Variants in ENPP2 observed in about 807,000 individuals in gnomAD.
The protein encoded by ENPP2 is ectonucleotide pyrophosphatase/phosphodiesterase 2.
ENPP2 carries 51 observed loss-of-function variants against 120.2 expected under a neutral mutation model. The observed-to-expected ratio is 0.42, with a 90% CI of 0.34 to 0.54. The LOEUF is 0.54. Among genes scored for constraint, ENPP2 ranks in the 20% least tolerant of loss-of-function variants. ENPP2 has a pLI of 0.04. For missense variants in ENPP2, 920 were observed against 1,066.5 expected (o/e 0.86, Z 1.91); for synonymous variants, 365 against 366.4 (o/e 1.00, Z 0.04).
At chr8:119,670,438 A>G (rs531931556) in intron 1 of ENPP2, among the ~76,000 whole-genome samples, 52 of 152,352 alleles carry the variant, frequency 3.4e-4, no homozygotes, top group African/African-American at 1.2e-3. Context: ...TCATTCACAA[A>G]AATTGCACAA....
chr8:119,604,763 GTTTTA>G (rs1051232557), intron 9 of ENPP2, among the ~76,000 whole-genome samples: 2 of 151,940 alleles, frequency 1.3e-5, no homozygotes, highest in African/African-American at 4.8e-5. Flanking sequence ...ATTTTATGTT[GTTTTA>G]TTTTATTTTA....
chr8:119,646,907 G>A (rs578169774), intron 1 of ENPP2, among the ~76,000 whole-genome samples: 1 of 151,896 alleles, frequency 6.6e-6, no homozygotes, highest in Non-Finnish European at 1.5e-5. Context: ...TTCAAGTCAG[G>A]TGTCACTCCG....
rs528132609 is a variant in ENPP2, at chr8:119,606,495, A to G, written c.833+1427T>C. On this transcript the variant is annotated intron_variant, in intron 9 of 24. Transcript: ENST00000075322. ...TCTATGAGCGTCTATGACAGTCAAG[A>G]GTTAAAGAAATGTCACACATAGGAT... Among the ~76,000 whole-genome samples the G allele has an allele frequency of 3.3e-5, 5 of 152,258 alleles. No homozygotes were observed. In the South Asian group the frequency reaches 1.0e-3, roughly 32 times the overall value.
intron 18 of ENPP2, chr8:119,580,876 T>G (rs1812684697): frequency 2.6e-5 from 4 of 152,178 alleles, no homozygotes; most frequent in African/African-American, 7.2e-5. Flanking sequence ...AGGATACATA[T>G]AGTATAATAG....
chr8:119,673,377 C>T, exon 1 of ENPP2: 1 of 1,327,120 alleles, frequency 7.5e-7, no homozygotes, highest in Admixed American at 2.0e-5. Flanking sequence ...CTGCGGACTG[C>T]TCTTGTTTGC....
chr8:119,619,435 C>A, intron 4 of ENPP2, 131 bp from the exon 5 acceptor site: 2 of 607,844 alleles, frequency 3.3e-6, no homozygotes, highest in Non-Finnish European at 2.8e-6. Context: ...AAAAAAAATT[C>A]TGAAAAAAAA....
chr8:119,632,246 T>C (rs543148133), intron 2 of ENPP2, among the ~76,000 whole-genome samples: 56 of 152,260 alleles, frequency 3.7e-4, no homozygotes, highest in Non-Finnish European at 7.1e-4. Context: ...AAACTTGTGG[T>C]ATCCCAAATT....
At chr8:119,565,151 G>A (rs1258612772) in intron 22 of ENPP2, among the ~76,000 whole-genome samples, 196 bp from the exon 23 acceptor site, 1 of 152,102 alleles carries the variant, frequency 6.6e-6, no homozygotes, top group Admixed American at 6.6e-5. Context: ...AAAGGGAACA[G>A]TGTAGAGCTA....
intron 19 of ENPP2, chr8:119,571,958 A>G (rs1815027030): frequency 2.1e-6 from 1 of 484,226 alleles, no homozygotes. Flanking sequence ...TTACAACACA[A>G]GCCTGTTCTG....
At chr8:119,567,790 C>A (rs1411644260) in intron 22 of ENPP2, among the ~76,000 whole-genome samples, 2 of 152,084 alleles carry the variant, frequency 1.3e-5, no homozygotes, top group Non-Finnish European at 2.9e-5. Context: ...ATAGTGAAGA[C>A]CCTTTTTAAC....
At chr8:119,596,110 A>G (rs1813877904) in intron 11 of ENPP2, 16 of 991,050 alleles carry the variant, frequency 1.6e-5, no homozygotes, top group Non-Finnish European at 2.2e-5. Flanking sequence ...CAGAATAACT[A>G]AGGCTCCTTA....
chr8:119,585,930 AC>A (rs1277957978), intron 15 of ENPP2, among the ~76,000 whole-genome samples: 1 of 61,802 alleles, frequency 1.6e-5, no homozygotes, highest in Admixed American at 2.2e-4. Context: ...TGAAAGAGAC[AC>A]ACACACACAC....
At chr8:119,587,397 C>T (rs1813189891) in intron 13 of ENPP2, among the ~76,000 whole-genome samples, 1 of 152,120 alleles carries the variant, frequency 6.6e-6, no homozygotes, top group South Asian at 2.1e-4. Context: ...TAATGGTTCC[C>T]CTTGAGACAT....
At chr8:119,595,769 T>C in intron 11 of ENPP2, 3 of 1,448,376 alleles carry the variant, frequency 2.1e-6, no homozygotes, top group Middle Eastern at 3.6e-4. Context: ...CTCAGCCGAT[T>C]TTCCAACCAA....
Position 119,619,263 on chromosome 8 carries a change from C to T in ENPP2, c.460G>A (p.Ala154Thr). 1.2e-6 allele frequency: 2 copies of T among 1,612,522 alleles called. No homozygotes were observed. Among genetic ancestry groups the T allele is most frequent in the East Asian group, 2.2e-5 (1 of 44,856 alleles). Reference protein sequence around the residue: ...WVDDDCEEIKAAECPAGFVRP... With the variant: ...WVDDDCEEIKTAECPAGFVRP... ...ACTTACCCTGCAGGGCATTCTGCGG[C>T]CTTTATTTCCTCACAGTCATCATCA... The change falls in exon 5 of 25, where the codon GCC (alanine) becomes ACC (threonine). Residue 154 changes from alanine to threonine, a missense_variant. By Grantham distance (58) the Ala-to-Thr change is moderately conservative (BLOSUM62 0). Transcript: ENST00000075322.
intron 1 of ENPP2, among the ~76,000 whole-genome samples, chr8:119,657,935 T>C (rs1350617056): frequency 2.0e-5 from 3 of 152,212 alleles, no homozygotes; most frequent in Admixed American, 2.0e-4. Flanking sequence ...GCCTTGTGCA[T>C]TTACACACAC....
chr8:119,592,355 C>T (rs1375514417), intron 12 of ENPP2, among the ~76,000 whole-genome samples: 1 of 151,688 alleles, frequency 6.6e-6, no homozygotes, highest in Non-Finnish European at 1.5e-5. Flanking sequence ...TGCCTGTAAT[C>T]CCAGCTACTC....
At chr8:119,657,794 T>C (rs1201290349) in intron 1 of ENPP2, among the ~76,000 whole-genome samples, 1 of 152,234 alleles carries the variant, frequency 6.6e-6, no homozygotes, top group Non-Finnish European at 1.5e-5. Context: ...TGTCATCCTA[T>C]GGCGTGAAGG....
intron 2 of ENPP2, among the ~76,000 whole-genome samples, chr8:119,633,078 A>C (rs1816781831): frequency 6.6e-6 from 1 of 152,190 alleles, no homozygotes; most frequent in Admixed American, 6.5e-5. Context: ...CAACAAAAGA[A>C]TTCTAGTGCC....
Sources: gnomAD v4.1 joint callset for allele counts (sites outside exome capture counted in the v4.1 genomes callset) on GRCh38, gnomAD v4.1.1 for gene constraint, MANE v1.5 for transcripts, NCBI Gene and HGNC (gene_info 2026-07-23, HGNC 2026-07-21) for gene names.